Variants in SNTG2 observed in about 807,000 individuals in gnomAD.
SNTG2 encodes the protein syntrophin gamma 2, also known as gamma-2-syntrophin.
SNTG2 carries 74 observed loss-of-function variants against 70.9 expected under a neutral mutation model. The observed-to-expected ratio is 1.04, with a 90% CI of 0.86 to 1.27. The LOEUF is 1.27. SNTG2 is among the 50% of genes most tolerant of loss of function. The pLI is 0.00. For missense variants in SNTG2, 717 were observed against 690.7 expected (o/e 1.04, Z -0.43); for synonymous variants, 278 against 273.8 (o/e 1.02, Z -0.15).
At chr2:1,241,638 C>T (rs896004378) in intron 11 of SNTG2, among the ~76,000 whole-genome samples, 4 of 151,512 alleles carry the variant, frequency 2.6e-5, no homozygotes, top group Non-Finnish European at 4.4e-5. Context: ...ACCCCTTAAT[C>T]CTCCTTATCA....
chr2:1,212,693 A>G lies in SNTG2; in HGVS notation c.719+3463A>G, dbSNP rs560311035. 3.7e-4 allele frequency among the ~76,000 whole-genome samples: 56 copies of G among 152,304 alleles called. 1 individual carries two copies. The highest frequency in any genetic ancestry group is 6.8e-4 in the Non-Finnish European group (46 of 68,022). ...TGTTTGTTCTGAAACATATTTGTGC[A>G]AAGTCCCATTTAGAGGCTGAGATGC... is the stretch of plus-strand genomic sequence containing the variant. On this transcript the variant is annotated intron_variant, in intron 9 of 16. Transcript: ENST00000308624.
chr2:1,088,806 C>T (rs2148186333), intron 2 of SNTG2, among the ~76,000 whole-genome samples: 1 of 152,328 alleles, frequency 6.6e-6, no homozygotes, highest in South Asian at 2.1e-4. Context: ...ACTAACTACA[C>T]TTCTGTAAGG....
chr2:1,051,745 G>T (rs771281625), intron 1 of SNTG2, among the ~76,000 whole-genome samples: 3 of 152,322 alleles, frequency 2.0e-5, no homozygotes, highest in Non-Finnish European at 4.4e-5. Context: ...CCACAGGAGC[G>T]ATCTGGAAGC....
chr2:1,291,571 C>G (rs898866470), intron 14 of SNTG2, among the ~76,000 whole-genome samples: 1 of 152,148 alleles, frequency 6.6e-6, no homozygotes, highest in East Asian at 1.9e-4. Context: ...AATGGATATC[C>G]AGTTTTCCCA....
In SNTG2 at chr2:992,990, A is replaced by G. The variant is rs115122866; in HGVS notation, c.72+41922A>G. 5.3e-3 allele frequency among the ~76,000 whole-genome samples: 797 copies of G among 151,720 alleles called. 8 individuals are homozygous for G. Among genetic ancestry groups the G allele is most frequent in the African/African-American group, 0.018 (759 of 41,310 alleles). ...TCCCCCCAAATCCTGGCAACATCAA[A>G]TCTACTTTATATCTCTAAAGATTTG... is the stretch of plus-strand genomic sequence containing the variant. On this transcript the variant is annotated intron_variant, in intron 1 of 16. Coordinates refer to ENST00000308624, the MANE Select transcript of SNTG2 (RefSeq NM_018968.4).
At chr2:1,126,181 A>G (rs1373200583) in intron 4 of SNTG2, among the ~76,000 whole-genome samples, 3 of 152,112 alleles carry the variant, frequency 2.0e-5, no homozygotes, top group South Asian at 4.2e-4. Context: ...AGTAACCTCT[A>G]TTCTACTCCT....
intron 1 of SNTG2, among the ~76,000 whole-genome samples, chr2:1,024,221 A>G (rs1660352532): frequency 6.6e-6 from 1 of 152,220 alleles, no homozygotes; most frequent in Admixed American, 6.5e-5. Context: ...AAAAATCGTA[A>G]TACTAAAAGT....
At chr2:1,154,049 A>G (rs1454569185) in intron 6 of SNTG2, among the ~76,000 whole-genome samples, 5 of 152,272 alleles carry the variant, frequency 3.3e-5, no homozygotes, top group Admixed American at 6.5e-5. Context: ...AGCAAAAAAC[A>G]GGAAATCTTA....
intron 16 of SNTG2, among the ~76,000 whole-genome samples, chr2:1,347,688 G>T (rs112430940): frequency 1.4e-4 from 22 of 152,256 alleles, no homozygotes; most frequent in Admixed American, 1.2e-3. Context: ...GCTGCATCTC[G>T]CCCAACCCTG....
intron 1 of SNTG2, among the ~76,000 whole-genome samples, chr2:989,517 A>G (rs180699584): frequency 2.0e-5 from 3 of 152,300 alleles, no homozygotes; most frequent in Admixed American, 1.3e-4. Flanking sequence ...TGATTTTCAA[A>G]TGTTTATGTA....
chr2:1,034,435 T>G (rs748701413), intron 1 of SNTG2, among the ~76,000 whole-genome samples: 1 of 152,222 alleles, frequency 6.6e-6, no homozygotes, highest in Admixed American at 6.5e-5. Flanking sequence ...ACATCTTTCT[T>G]TATAATAGAA....
At chr2:994,861 G>T (rs904566471) in intron 1 of SNTG2, among the ~76,000 whole-genome samples, 1 of 150,288 alleles carries the variant, frequency 6.7e-6, no homozygotes, top group Non-Finnish European at 1.5e-5. Flanking sequence ...TTAGTTTTTA[G>T]AATGTTAATT....
chr2:1,155,411 ACAT>A (rs1669825358), intron 6 of SNTG2, among the ~76,000 whole-genome samples: 1 of 151,952 alleles, frequency 6.6e-6, no homozygotes, highest in African/African-American at 2.4e-5. Flanking sequence ...TACATGCCCC[ACAT>A]CACACACACG....
chr2:1,321,607 A>C (rs1333187034), intron 16 of SNTG2, among the ~76,000 whole-genome samples: 1 of 152,138 alleles, frequency 6.6e-6, no homozygotes, highest in Non-Finnish European at 1.5e-5. Context: ...GGGTGCTGAG[A>C]AAACTATTTC....
Position 1,041,550 on chromosome 2 carries a change from C to T in SNTG2, c.73-41968C>T, listed in dbSNP as rs546619567. On this transcript the variant is annotated intron_variant, in intron 1 of 16. Transcript: ENST00000308624. ...TGGGAGGTGTTTGGGTCATGGGCAC[C>T]GATTCTTCGTGGCTTGGTGCTGTCC... 6.6e-5 allele frequency among the ~76,000 whole-genome samples: 10 copies of T among 152,212 alleles called. No individual in the cohort carries two copies. The South Asian group carries it at 1.0e-3, about 16-fold the overall frequency.
intron 4 of SNTG2, among the ~76,000 whole-genome samples, chr2:1,112,617 T>G (rs759670804): frequency 6.9e-6 from 1 of 145,920 alleles, no homozygotes; most frequent in Non-Finnish European, 1.5e-5. Flanking sequence ...GGTTTTACCC[T>G]TACAGTCCTT....
chr2:1,283,826 A>G (rs115147891), intron 14 of SNTG2, among the ~76,000 whole-genome samples: 260 of 152,302 alleles, frequency 1.7e-3, no homozygotes, highest in Non-Finnish European at 3.0e-3. Flanking sequence ...AGTCTTGGGC[A>G]TGGATAACTA....
At chr2:1,219,710 CGAGGG>C (rs1674628343) in intron 9 of SNTG2, among the ~76,000 whole-genome samples, 1 of 108,812 alleles carries the variant, frequency 9.2e-6, no homozygotes, top group Non-Finnish European at 1.8e-5. Context: ...GGAGGGGAGG[CGAGGG>C]GAGGGGAGGC....
chr2:1,308,693 G>T, intron 15 of SNTG2, 107 bp downstream of exon 15: 2 of 931,532 alleles, frequency 2.1e-6, no homozygotes, highest in South Asian at 2.9e-5. Flanking sequence ...AACCTTGCTG[G>T]ATTGTGTATC....
Sources: allele counts gnomAD v4.1 joint callset (sites outside exome capture counted in the v4.1 genomes callset), GRCh38; gene constraint gnomAD v4.1.1; transcripts MANE v1.5; gene names NCBI Gene and HGNC (gene_info 2026-07-23, HGNC 2026-07-21).